The following SEMA6A variants were observed in gnomAD, a reference collection of about 807,000 sequenced individuals.
SEMA6A encodes semaphorin-6A.
In SEMA6A, 25 loss-of-function variants were observed where a neutral mutation model predicts 96.8. The observed-to-expected ratio is 0.26, with a 90% CI of 0.19 to 0.36. The LOEUF is 0.36. Among genes scored for constraint, SEMA6A ranks in the 10% least tolerant of loss-of-function variants. The probability of loss-of-function intolerance (pLI) is 1.00; values close to 1 mark genes in which losing one functional copy is unlikely to be tolerated. For missense variants in SEMA6A, 1,363 were observed against 1,323.1 expected, an observed-to-expected ratio of 1.03 and a Z score of -0.47; for synonymous variants, 612 against 518.0, an observed-to-expected ratio of 1.18 and a Z score of -2.46.
intron 1 of SEMA6A, among the ~76,000 whole-genome samples, chr5:116,518,575 G>A (rs1758775529): frequency 6.6e-6 from 1 of 152,204 alleles, no homozygotes; most frequent in South Asian, 2.1e-4. Context: ...AGACAAAAGA[G>A]AGGTGATAAA....
chr5:116,573,537 T>C (rs2112930937), intron 1 of SEMA6A, among the ~76,000 whole-genome samples: 1 of 151,920 alleles, frequency 6.6e-6, no homozygotes, highest in East Asian at 2.0e-4. Flanking sequence ...GAACCTCTGG[T>C]GGCAGCGGCC....
intron 10 of SEMA6A, among the ~76,000 whole-genome samples, chr5:116,484,413 CAT>C (rs1363453226): frequency 1.3e-5 from 2 of 152,102 alleles, no homozygotes; most frequent in African/African-American, 2.4e-5. Flanking sequence ...GTTCATTCAA[CAT>C]ATGTTTATAG....
intron 12 of SEMA6A, 34 bp from the exon 13 acceptor site, chr5:116,478,752 G>C (rs1369125825): frequency 2.5e-6 from 4 of 1,600,278 alleles, no homozygotes; most frequent in Non-Finnish European, 2.6e-6. Flanking sequence ...TTATCTCTTT[G>C]TTGGTCTATC....
chr5:116,557,456 C>T (rs1053944197), intron 1 of SEMA6A, among the ~76,000 whole-genome samples: 1 of 152,220 alleles, frequency 6.6e-6, no homozygotes, highest in African/African-American at 2.4e-5. Flanking sequence ...AAGCCATTGG[C>T]CTGCTTTGGC....
intron 1 of SEMA6A, among the ~76,000 whole-genome samples, chr5:116,555,670 C>CT (rs1422745242): frequency 2.7e-5 from 4 of 150,830 alleles, no homozygotes; most frequent in Admixed American, 6.6e-5. Context: ...AAGACCCCCC[C>CT]TCAAAAAAAA....
Position 116,465,029 on chromosome 5 carries a change from G to C in SEMA6A, c.1894+2554C>G, listed in dbSNP as rs1256469108. 2.6e-5 allele frequency among the ~76,000 whole-genome samples: 4 copies of C among 152,170 alleles called. No homozygotes were observed. In the East Asian group the frequency reaches 5.8e-4, roughly 22 times the overall value. ...CAGAGTATATTTAGCTCCTAAAGCT[G>C]GGGCACACAAATGTCACATTCTCAT... On this transcript the variant is annotated intron_variant, in intron 18 of 18. Coordinates refer to ENST00000343348, the MANE Select transcript of SEMA6A (RefSeq NM_020796.5).
At position 116,446,453 on chromosome 5, in the gene SEMA6A, G is replaced by A. The variant is rs933577891; in HGVS notation, c.*160C>T. On this transcript the variant is annotated 3_prime_UTR_variant, in exon 19 of 19. Coordinates refer to ENST00000343348, the MANE Select transcript of SEMA6A (RefSeq NM_020796.5). ...CACCAAACCACGCGGCCCAGTTTTC[G>A]TGAGTACCCCTGTGTCCCAGAGAGG... 26 of 575,206 alleles carry A rather than the reference G, an allele frequency of 4.5e-5. No homozygotes were observed. The highest frequency in any genetic ancestry group is 7.3e-5 in the Admixed American group (2 of 27,216). The allele number at this position is 575,206 out of a possible 1,614,324, so 35.6% of individuals were successfully genotyped here.
chr5:116,542,179 T>G (rs1201830532), intron 1 of SEMA6A, among the ~76,000 whole-genome samples: 1 of 152,220 alleles, frequency 6.6e-6, no homozygotes, highest in Non-Finnish European at 1.5e-5. Flanking sequence ...AGATAATTAT[T>G]TCTTACATCC....
intron 1 of SEMA6A, among the ~76,000 whole-genome samples, chr5:116,524,149 GTTTTC>G (rs1232643474): frequency 6.6e-6 from 1 of 152,274 alleles, no homozygotes; most frequent in African/African-American, 2.4e-5. Context: ...CAATAGGTAT[GTTTTC>G]TTTTATGACA....
intron 1 of SEMA6A, among the ~76,000 whole-genome samples, chr5:116,567,411 C>T (rs537709707): frequency 6.6e-4 from 100 of 152,228 alleles, no homozygotes; most frequent in African/African-American, 2.0e-3. Context: ...AATAAAAGTA[C>T]TATCTGCTTT....
At chr5:116,573,597 C>T (rs925453659) in intron 1 of SEMA6A, among the ~76,000 whole-genome samples, 9 of 151,934 alleles carry the variant, frequency 5.9e-5, no homozygotes, top group African/African-American at 1.7e-4. Flanking sequence ...TGCCTAGAGC[C>T]ATTACAAGTT....
chr5:116,473,720 T>C (rs1490701860), intron 16 of SEMA6A, among the ~76,000 whole-genome samples: 1 of 152,216 alleles, frequency 6.6e-6, no homozygotes, highest in Non-Finnish European at 1.5e-5. Flanking sequence ...GTACCAGTTA[T>C]AATGATTGTA....
Position 116,446,528 on chromosome 5 carries a change from A to C in SEMA6A, c.*85T>G. 1.7e-6 allele frequency: 2 copies of C among 1,165,094 alleles called. No homozygotes were observed. Among genetic ancestry groups the C allele is most frequent in the Non-Finnish European group, 2.4e-6 (2 of 848,496 alleles). 72.2% of individuals were successfully genotyped at this position (1,165,094 alleles called of 1,614,324 possible). ...CGCAGGCCTTCTTGGTCTGGTGGGT[A>C]CTCGAGGCAGTTGAGAACCTTGCTG... On this transcript the variant is annotated 3_prime_UTR_variant, in exon 19 of 19. Coordinates refer to ENST00000343348, the MANE Select transcript of SEMA6A (RefSeq NM_020796.5).
intron 1 of SEMA6A, among the ~76,000 whole-genome samples, chr5:116,537,951 C>T (rs1184353343): frequency 6.6e-6 from 1 of 150,808 alleles, no homozygotes; most frequent in South Asian, 2.2e-4. Flanking sequence ...CCGAGGCGGG[C>T]GGATCATGAG....
At chr5:116,547,734 TAAAAAAAAAAAAA>T (rs34908253) in intron 1 of SEMA6A, among the ~76,000 whole-genome samples, 1 of 65,556 alleles carries the variant, frequency 1.5e-5, no homozygotes, top group African/African-American at 5.7e-5. Context: ...ATCTGATACT[TAAAAAAAAAAAAA>T]AAAAAAAAAA....
intron 10 of SEMA6A, among the ~76,000 whole-genome samples, chr5:116,485,865 C>T (rs751700461): frequency 1.3e-5 from 2 of 152,172 alleles, no homozygotes; most frequent in Non-Finnish European, 2.9e-5. Flanking sequence ...AATACGAGGA[C>T]TCTGAAATCT....
chr5:116,554,260 GA>G (rs1194949054), intron 1 of SEMA6A, among the ~76,000 whole-genome samples: 2 of 151,698 alleles, frequency 1.3e-5, no homozygotes, highest in African/African-American at 4.8e-5. Context: ...AAATTCAGAG[GA>G]AAAAAAGAGG....
At chr5:116,466,017 G>A (rs1755710688) in intron 18 of SEMA6A, among the ~76,000 whole-genome samples, 1 of 143,322 alleles carries the variant, frequency 7.0e-6, no homozygotes, top group South Asian at 2.2e-4. Flanking sequence ...AAAGAGCAGG[G>A]AATCCCTCAA....
At chr5:116,497,465 T>C in intron 3 of SEMA6A, 78 bp from the exon 4 acceptor site, 1 of 862,358 alleles carries the variant, frequency 1.2e-6, no homozygotes, top group Non-Finnish European at 1.9e-6. Flanking sequence ...AGTTATGTCT[T>C]ATCAGGGCAG....
Sources: allele counts gnomAD v4.1 joint callset (sites outside exome capture counted in the v4.1 genomes callset), GRCh38; gene constraint gnomAD v4.1.1; transcripts MANE v1.5; gene names NCBI Gene and HGNC (gene_info 2026-07-23, HGNC 2026-07-21).